Variants in CUX1 observed in about 807,000 individuals in gnomAD.
The protein encoded by CUX1 is cut like homeobox 1.
Under a neutral mutation model 158.8 loss-of-function variants are expected in CUX1, and 31 were observed. That is an observed-to-expected ratio of 0.20 (90% CI 0.15 to 0.26). The LOEUF (loss-of-function observed/expected upper bound fraction) is 0.26. CUX1 is among the 10% of genes least tolerant of loss of function. The pLI is 1.00. For synonymous variants in CUX1, 879 were observed against 862.1 expected, an observed-to-expected ratio of 1.02 and a Z score of -0.34; for missense variants, 1,589 against 2,014.6, an observed-to-expected ratio of 0.79 and a Z score of 4.04.
chr7:101,996,818 G>GT (rs1815966838), intron 2 of CUX1, among the ~76,000 whole-genome samples: 1 of 151,806 alleles, frequency 6.6e-6, no homozygotes, highest in Admixed American at 6.6e-5. Flanking sequence ...GCTCCAGGTT[G>GT]TTTTCTCTTG....
At chr7:102,012,818 C>G (rs1340460770) in intron 2 of CUX1, among the ~76,000 whole-genome samples, 1 of 152,146 alleles carries the variant, frequency 6.6e-6, no homozygotes, top group Non-Finnish European at 1.5e-5. Flanking sequence ...CTTAAATCAT[C>G]TTAGCCGGTC....
intron 2 of CUX1, among the ~76,000 whole-genome samples, chr7:102,013,254 G>A (rs551345830): frequency 1.5e-3 from 221 of 152,220 alleles, no homozygotes; most frequent in African/African-American, 4.5e-3. Flanking sequence ...AAAAATCGCC[G>A]AAGCTAATGT....
intron 2 of CUX1, among the ~76,000 whole-genome samples, chr7:101,955,972 AGG>A (rs1809721616): frequency 6.6e-6 from 1 of 151,818 alleles, no homozygotes; most frequent in Admixed American, 6.6e-5. Flanking sequence ...TCACGAGGTC[AGG>A]GGATGAGACC....
chr7:102,251,314 T>C lies in CUX1; in HGVS notation c.*2272T>C. The C allele has an allele frequency of 2.0e-6, 2 of 985,446 alleles. No homozygotes were observed. The highest frequency in any genetic ancestry group is 1.2e-6 in the Non-Finnish European group (1 of 829,934). The allele number at this position is 985,446 out of a possible 1,614,324, so 61.0% of individuals were successfully genotyped here. On this transcript the variant is annotated 3_prime_UTR_variant, in exon 24 of 24. Coordinates refer to ENST00000292535, the MANE Select transcript of CUX1 (RefSeq NM_181552.4). ...TGTTCCACCTCCGTGTGCTTGTTAA[T>C]TAACTTGTAGGACTTTGACTGTAAG...
At chr7:102,162,411 C>T (rs1305184579) in intron 9 of CUX1, among the ~76,000 whole-genome samples, 1 of 152,206 alleles carries the variant, frequency 6.6e-6, no homozygotes, top group Non-Finnish European at 1.5e-5. Flanking sequence ...ATAGCTGGGA[C>T]TATGGGCATA....
At position 101,821,671 on chromosome 7, in the gene CUX1, C is replaced by CTTTTTTT. The variant is rs58793343; in HGVS notation, c.30+4022_30+4028dup. Among the ~76,000 whole-genome samples, 148 of 51,338 alleles carry CTTTTTTT rather than the reference C, an allele frequency of 2.9e-3. 2 individuals are homozygous for CTTTTTTT. The highest frequency in any genetic ancestry group is 4.5e-3 in the East Asian group (7 of 1,542). 33.7% of individuals were successfully genotyped at this position (51,338 alleles called of 152,430 possible). ...CTTTTCTTTTCTTTTTTTCTTTTTT[C>CTTTTTTT]TTTTTTTTTTTTTTTTTTTTTTTTT... On this transcript the variant is annotated intron_variant, in intron 1 of 23. Transcript: ENST00000292535.
At chr7:101,914,749 T>G (rs1803978668) in intron 1 of CUX1, among the ~76,000 whole-genome samples, 1 of 152,086 alleles carries the variant, frequency 6.6e-6, no homozygotes. Context: ...TCCACCCACC[T>G]CGGCCTCCCA....
chr7:102,030,618 C>T (rs191584951), intron 3 of CUX1, among the ~76,000 whole-genome samples: 1 of 151,526 alleles, frequency 6.6e-6, no homozygotes, highest in African/African-American at 2.4e-5. Context: ...CGGCCCTCCT[C>T]GCAACTGAGG....
rs1281736788 is a variant in CUX1 at position 102,252,062 on chromosome 7, T to C, written c.*3020T>C. ...TGCCAGACTTACATCTGGTGCCAGA[T>C]ACAATCAGTTGGTTAAATTTTGCTT... On this transcript the variant is annotated 3_prime_UTR_variant, in exon 24 of 24. Transcript: ENST00000292535. 2.7e-5 allele frequency: 27 copies of C among 985,360 alleles called. No individual in the cohort carries two copies. The highest frequency in any genetic ancestry group is 3.3e-5 in the Non-Finnish European group (27 of 829,946). The allele number at this position is 985,360 out of a possible 1,614,324, so 61.0% of individuals were successfully genotyped here.
chr7:102,063,429 C>T (rs1825176759), intron 3 of CUX1, among the ~76,000 whole-genome samples: 2 of 137,400 alleles, frequency 1.5e-5, no homozygotes, highest in Non-Finnish European at 3.1e-5. Context: ...CACTCTGTCG[C>T]CCAGGCTGAA....
At chr7:101,861,743 G>GT (rs1797478473) in intron 1 of CUX1, among the ~76,000 whole-genome samples, 1 of 151,942 alleles carries the variant, frequency 6.6e-6, no homozygotes. Context: ...CATAATCCCA[G>GT]TACCAGAGTT....
intron 11 of CUX1, among the ~76,000 whole-genome samples, chr7:102,184,019 T>A (rs563815786): frequency 2.2e-4 from 34 of 152,038 alleles, no homozygotes; most frequent in Non-Finnish European, 4.4e-4. Flanking sequence ...CACCTCAGCC[T>A]CCCAAGTAGT....
At chr7:101,935,987 C>T (rs1585029113) in intron 2 of CUX1, among the ~76,000 whole-genome samples, 1 of 152,094 alleles carries the variant, frequency 6.6e-6, no homozygotes, top group Non-Finnish European at 1.5e-5. Context: ...AACAAGGAAG[C>T]GGTGGTTATG....
intron 2 of CUX1, among the ~76,000 whole-genome samples, chr7:101,933,124 A>G (rs532766721): frequency 6.6e-6 from 1 of 152,332 alleles, no homozygotes; most frequent in South Asian, 2.1e-4. Context: ...TTGCATGAAC[A>G]CATGTAGTGT....
intron 7 of CUX1, among the ~76,000 whole-genome samples, chr7:102,112,237 TCTC>T (rs1563259185): frequency 2.3e-5 from 3 of 130,908 alleles, no homozygotes; most frequent in Non-Finnish European, 3.3e-5. Flanking sequence ...CTTCTTTCTC[TCTC>T]TCTTTTTTTT....
chr7:102,254,409 A>G lies in CUX1; in HGVS notation c.*5367A>G, dbSNP rs782500400. ...TTTGCAAACATCAAACATCTCAAAGACGGAAAAGGATAGATGGCTTCCTCC... is the reference window on the plus strand; with the variant it reads ...TTTGCAAACATCAAACATCTCAAAGGCGGAAAAGGATAGATGGCTTCCTCC... On this transcript the variant is annotated 3_prime_UTR_variant, in exon 24 of 24. Transcript: ENST00000292535. The G allele has an allele frequency of 1.4e-5, 14 of 985,408 alleles. No individual in the cohort carries two copies. The highest frequency in any genetic ancestry group is 1.7e-5 in the Non-Finnish European group (14 of 829,968). The allele number at this position is 985,408 out of a possible 1,614,324, so 61.0% of individuals were successfully genotyped here. A position where few individuals can be genotyped will look rare whatever the true frequency, so the allele number is the denominator to read the frequency against.
intron 8 of CUX1, among the ~76,000 whole-genome samples, chr7:102,133,487 T>G (rs1375311664): frequency 6.9e-6 from 1 of 144,762 alleles, no homozygotes; most frequent in Non-Finnish European, 1.5e-5. Flanking sequence ...TTTTTTTTTT[T>G]TTTTTTGAGA....
intron 2 of CUX1, among the ~76,000 whole-genome samples, chr7:101,917,083 G>A (rs1406674241): frequency 1.3e-5 from 2 of 152,134 alleles, no homozygotes; most frequent in African/African-American, 4.8e-5. Flanking sequence ...CCACAGCTTC[G>A]GCCCGGCTTC....
intron 16 of CUX1, 46 bp from the exon 17 acceptor site, chr7:102,200,025 G>T (rs782252081): frequency 6.6e-7 from 1 of 1,522,146 alleles, no homozygotes; most frequent in Non-Finnish European, 9.0e-7. Flanking sequence ...GCTGATTTTT[G>T]TCCGGGGTTT....
Sources: gnomAD v4.1 joint callset for allele counts (sites outside exome capture counted in the v4.1 genomes callset) on GRCh38, gnomAD v4.1.1 for gene constraint, MANE v1.5 for transcripts, NCBI Gene and HGNC (gene_info 2026-07-23, HGNC 2026-07-21) for gene names.